GRM5: variants seen among roughly 807,000 people sequenced by gnomAD.
GRM5 encodes glutamate metabotropic receptor 5.
Under a neutral mutation model 83.1 loss-of-function variants are expected in GRM5, and 19 were observed. That is an observed-to-expected ratio of 0.23 (90% confidence interval 0.16 to 0.34). GRM5 has a LOEUF of 0.34. Ranked by LOEUF, GRM5 falls within the 10% of genes least tolerant of loss-of-function variation. GRM5 has a pLI of 1.00. For missense variants in GRM5, 1,160 were observed against 1,588.3 expected (o/e 0.73, Z 4.58); for synonymous variants, 675 against 633.6 (o/e 1.07, Z -0.98).
At chr11:88,671,430 T>A (rs186887907) in intron 3 of GRM5, among the ~76,000 whole-genome samples, 26 of 152,264 alleles carry the variant, frequency 1.7e-4, no homozygotes, top group Non-Finnish European at 2.9e-4. Flanking sequence ...TGTCTTTAAC[T>A]GCCAGCTGCA....
At chr11:88,915,718 T>C (rs964426273) in intron 2 of GRM5, among the ~76,000 whole-genome samples, 1 of 152,180 alleles carries the variant, frequency 6.6e-6, no homozygotes, top group Non-Finnish European at 1.5e-5. Flanking sequence ...AATCTGACAA[T>C]ATGTATGGGC....
intron 2 of GRM5, among the ~76,000 whole-genome samples, chr11:88,910,698 A>G (rs780393382): frequency 2.4e-4 from 37 of 152,116 alleles, no homozygotes; most frequent in Admixed American, 3.3e-4. Context: ...ATATGGTTTG[A>G]ATCAGCAGCA....
intron 3 of GRM5, among the ~76,000 whole-genome samples, chr11:88,810,767 C>G (rs1943575349): frequency 6.6e-6 from 1 of 152,068 alleles, no homozygotes; most frequent in Admixed American, 6.6e-5. Context: ...ATGACCAATG[C>G]CAACCAGGAT....
intron 3 of GRM5, among the ~76,000 whole-genome samples, chr11:88,812,695 G>T (rs867414259): frequency 4.6e-5 from 7 of 152,034 alleles, no homozygotes; most frequent in Non-Finnish European, 1.0e-4. Context: ...AAAATGCAAA[G>T]ACACCTATGA....
intron 2 of GRM5, among the ~76,000 whole-genome samples, chr11:88,921,388 C>A (rs1317060459): frequency 2.0e-5 from 3 of 152,110 alleles, no homozygotes; most frequent in South Asian, 4.1e-4. Flanking sequence ...CTTTGGGAGG[C>A]CGAGGCGGAC....
rs567112166 is a variant in GRM5 at position 88,763,166 on chromosome 11, C to T, written c.911+86740G>A. On this transcript the variant is annotated intron_variant, in intron 3 of 9. Coordinates refer to ENST00000305447, the MANE Select transcript of GRM5 (RefSeq NM_001143831.3). ...GCAAACCTGCACATGTACCCCTGAA[C>T]CTAAAATAAAAGTTTAAAAAGTGAG... is the stretch of plus-strand genomic sequence containing the variant. 4.0e-5 allele frequency among the ~76,000 whole-genome samples: 6 copies of T among 151,840 alleles called. No individual in the cohort carries two copies. In the South Asian group the frequency reaches 1.2e-3, roughly 32 times the overall value.
intron 3 of GRM5, among the ~76,000 whole-genome samples, chr11:88,663,002 T>C (rs1939946002): frequency 6.6e-6 from 1 of 152,196 alleles, no homozygotes; most frequent in Non-Finnish European, 1.5e-5. Flanking sequence ...AAGTATGAAA[T>C]AATACACGCA....
intron 3 of GRM5, among the ~76,000 whole-genome samples, chr11:88,745,305 A>AC (rs1238441339): frequency 1.1e-5 from 1 of 86,966 alleles, no homozygotes; most frequent in African/African-American, 3.5e-5. Flanking sequence ...GGCTCAATCC[A>AC]CCCACCCACC....
chr11:88,634,139 C>A (rs553666563), intron 4 of GRM5, among the ~76,000 whole-genome samples: 29 of 152,244 alleles, frequency 1.9e-4, no homozygotes, highest in African/African-American at 6.7e-4. Context: ...AGGATATTTA[C>A]AATGAATAGA....
intron 7 of GRM5, among the ~76,000 whole-genome samples, chr11:88,588,126 C>T (rs979091457): frequency 1.1e-4 from 16 of 152,140 alleles, no homozygotes; most frequent in African/African-American, 3.9e-4. Context: ...TGTGATGACA[C>T]CATTTCTTGT....
intron 4 of GRM5, among the ~76,000 whole-genome samples, chr11:88,627,548 C>T (rs369741274): frequency 6.6e-6 from 1 of 152,136 alleles, no homozygotes; most frequent in African/African-American, 2.4e-5. Flanking sequence ...ATTGGCTGTA[C>T]AACAGCCACA....
intron 3 of GRM5, among the ~76,000 whole-genome samples, 158 bp downstream of exon 3, chr11:88,849,748 G>T (rs532978526): frequency 2.6e-5 from 4 of 152,086 alleles, no homozygotes; most frequent in Non-Finnish European, 5.9e-5. Flanking sequence ...TATTTTCCAT[G>T]ATTTTCTCCA....
At chr11:88,534,699 G>A (rs1942095446) in intron 8 of GRM5, among the ~76,000 whole-genome samples, 1 of 152,134 alleles carries the variant, frequency 6.6e-6, no homozygotes, top group South Asian at 2.1e-4. Flanking sequence ...AGGCATGATT[G>A]GTTTTGAAAT....
At chr11:88,655,770 T>G (rs1343817328) in intron 3 of GRM5, among the ~76,000 whole-genome samples, 1 of 152,046 alleles carries the variant, frequency 6.6e-6, no homozygotes, top group Non-Finnish European at 1.5e-5. Flanking sequence ...GTTGTGAGTT[T>G]AAAATAATTT....
At chr11:88,856,802 C>A (rs1944486968) in intron 2 of GRM5, among the ~76,000 whole-genome samples, 1 of 151,862 alleles carries the variant, frequency 6.6e-6, no homozygotes, top group Admixed American at 6.6e-5. Context: ...GTTTTTAGAT[C>A]CATATATAAT....
intron 8 of GRM5, among the ~76,000 whole-genome samples, chr11:88,554,667 C>T (rs1256999987): frequency 6.6e-6 from 1 of 152,100 alleles, no homozygotes; most frequent in Non-Finnish European, 1.5e-5. Context: ...GGCACTGATG[C>T]AGTTGTTTGT....
chr11:88,668,385 T>C (rs1940106145), intron 3 of GRM5, among the ~76,000 whole-genome samples: 3 of 150,806 alleles, frequency 2.0e-5, no homozygotes. Context: ...TCTATACCTT[T>C]AGACGAGAAA....
intron 2 of GRM5, among the ~76,000 whole-genome samples, chr11:88,897,802 C>T (rs1590947889): frequency 1.3e-5 from 2 of 152,074 alleles, no homozygotes; most frequent in Admixed American, 1.3e-4. Context: ...TTTCCTTTCC[C>T]TTCCACCTTA....
chr11:88,750,356 T>C (rs1942242565), intron 3 of GRM5, among the ~76,000 whole-genome samples: 1 of 152,172 alleles, frequency 6.6e-6, no homozygotes. Context: ...CATTACATAA[T>C]GGTAAAGTCT....
Sources: allele counts gnomAD v4.1 joint callset (sites outside exome capture counted in the v4.1 genomes callset), GRCh38; gene constraint gnomAD v4.1.1; transcripts MANE v1.5; gene names NCBI Gene and HGNC (gene_info 2026-07-23, HGNC 2026-07-21).